The following NRG1 variants were observed in gnomAD, a reference collection of about 807,000 sequenced individuals.
NRG1 encodes the protein neuregulin 1.
In NRG1, 18 loss-of-function variants were observed where a neutral mutation model predicts 63.8. The observed-to-expected ratio is 0.28, with a 90% CI of 0.19 to 0.42. The LOEUF (loss-of-function observed/expected upper bound fraction) is 0.42. Among genes scored for constraint, NRG1 ranks in the 10% least tolerant of loss-of-function variants. The pLI, the probability that NRG1 is intolerant of heterozygous loss-of-function variation, is 1.00. For synonymous variants in NRG1, 302 were observed against 301.3 expected (o/e 1.00, Z -0.02); for missense variants, 762 against 814.7 (o/e 0.94, Z 0.79).
chr8:32,759,910 T>C (rs1342534687), intron 10 of NRG1, among the ~76,000 whole-genome samples: 3 of 152,184 alleles, frequency 2.0e-5, no homozygotes, highest in Non-Finnish European at 2.9e-5. Flanking sequence ...TCTAAGCCAC[T>C]CAAGAACAGA....
rs191351797 is a variant in NRG1, at chr8:32,698,615, G to T, written c.503-29334G>T. ...ACCAAATAAAGGCCTAGGAGGAGGT[G>T]AGCCGGGGAACTGTACAAGGGAGCA... is the stretch of plus-strand genomic sequence containing the variant. On this transcript the variant is annotated intron_variant, in intron 5 of 11. Transcript: ENST00000356819. 1.7e-3 allele frequency among the ~76,000 whole-genome samples: 259 copies of T among 152,300 alleles called. 1 individual carries two copies. Among genetic ancestry groups the T allele is most frequent in the Non-Finnish European group, 2.7e-3 (183 of 68,024 alleles).
At chr8:32,029,847 T>TA (rs34615593) in intron 1 of NRG1, among the ~76,000 whole-genome samples, 47 of 150,736 alleles carry the variant, frequency 3.1e-4, no homozygotes, top group African/African-American at 1.0e-3. Flanking sequence ...TGCTGGTTTG[T>TA]AAAAAAAAAA....
At chr8:32,439,691 T>A (rs1011983371) in intron 1 of NRG1, among the ~76,000 whole-genome samples, 1 of 152,104 alleles carries the variant, frequency 6.6e-6, no homozygotes, top group Non-Finnish European at 1.5e-5. Context: ...TAAAATTATG[T>A]CTTGAGTTTA....
intron 1 of NRG1, among the ~76,000 whole-genome samples, chr8:31,833,514 A>T (rs1232093281): frequency 6.6e-6 from 1 of 152,226 alleles, no homozygotes; most frequent in Non-Finnish European, 1.5e-5. Context: ...GAATTCCTCC[A>T]GGGAATTATA....
chr8:32,088,667 G>A lies in NRG1; in HGVS notation c.37+449236G>A, dbSNP rs945725784. On this transcript the variant is annotated intron_variant, in intron 1 of 10. Coordinates refer to the NRG1 transcript ENST00000519301. Reference sequence around the variant, plus strand: ...TGAGTACCTGGGACTACAGGTGCACGCCACCATGCCCAGCTAATTTTTTTG... The same window carrying A: ...TGAGTACCTGGGACTACAGGTGCACACCACCATGCCCAGCTAATTTTTTTG... Among the ~76,000 whole-genome samples, 8 of 151,886 alleles carry A rather than the reference G, an allele frequency of 5.3e-5. 1 individual carries two copies. The highest frequency in any genetic ancestry group is 6.3e-3 in the Middle Eastern group (2 of 316).
chr8:31,992,104 G>A (rs1231248792), intron 1 of NRG1, among the ~76,000 whole-genome samples: 2 of 151,874 alleles, frequency 1.3e-5, no homozygotes, highest in Non-Finnish European at 2.9e-5. Flanking sequence ...AGAGGCTGAG[G>A]TGAGAGGATT....
chr8:32,449,214 T>C (rs187114687), intron 1 of NRG1, among the ~76,000 whole-genome samples: 55 of 152,196 alleles, frequency 3.6e-4, no homozygotes, highest in Admixed American at 3.2e-3. Flanking sequence ...GGAGGATCAC[T>C]TGAGCCTAGG....
intron 1 of NRG1, among the ~76,000 whole-genome samples, chr8:31,670,737 C>T (rs1460361387): frequency 6.6e-6 from 1 of 152,094 alleles, no homozygotes; most frequent in Non-Finnish European, 1.5e-5. Context: ...TGGGCAGTGT[C>T]ATGAAAACCA....
At chr8:32,721,302 G>T (rs925059673) in intron 5 of NRG1, among the ~76,000 whole-genome samples, 3 of 152,150 alleles carry the variant, frequency 2.0e-5, no homozygotes, top group Non-Finnish European at 4.4e-5. Flanking sequence ...TTTGAACAAT[G>T]CCAAAGCCCA....
At chr8:32,763,561 C>T (rs1831093526) in intron 11 of NRG1, among the ~76,000 whole-genome samples, 187 bp from the exon 12 acceptor site, 1 of 152,204 alleles carries the variant, frequency 6.6e-6, no homozygotes, top group African/African-American at 2.4e-5. Flanking sequence ...TGTGAGGAAA[C>T]TCTTGGCTAC....
At chr8:31,648,704 G>C (rs1265527972) in intron 1 of NRG1, among the ~76,000 whole-genome samples, 1 of 152,086 alleles carries the variant, frequency 6.6e-6, no homozygotes, top group African/African-American at 2.4e-5. Flanking sequence ...ATGTCCTCAA[G>C]GTTCATCATG....
chr8:31,912,365 G>A (rs766566345), intron 1 of NRG1, among the ~76,000 whole-genome samples: 1 of 152,042 alleles, frequency 6.6e-6, no homozygotes, highest in Non-Finnish European at 1.5e-5. Context: ...AGCTAGCAGA[G>A]CTTAGGCACA....
At chr8:32,661,214 A>G (rs1233340048) in intron 5 of NRG1, among the ~76,000 whole-genome samples, 2 of 152,246 alleles carry the variant, frequency 1.3e-5, no homozygotes, top group Non-Finnish European at 2.9e-5. Context: ...TTATTGCTGT[A>G]ACTTCTTATT....
intron 1 of NRG1, among the ~76,000 whole-genome samples, chr8:31,931,929 C>T (rs776994508): frequency 2.0e-5 from 3 of 152,162 alleles, no homozygotes; most frequent in Non-Finnish European, 4.4e-5. Context: ...TAAAACAAAG[C>T]TGGAAGACAG....
At chr8:32,440,128 G>A (rs1352359148) in intron 1 of NRG1, among the ~76,000 whole-genome samples, 3 of 151,918 alleles carry the variant, frequency 2.0e-5, no homozygotes, top group African/African-American at 7.3e-5. Flanking sequence ...AGAGTGAGAG[G>A]GGAACTGTCA....
intron 1 of NRG1, among the ~76,000 whole-genome samples, chr8:32,500,714 T>G (rs1471692558): frequency 1.3e-5 from 2 of 152,268 alleles, no homozygotes; most frequent in Non-Finnish European, 1.5e-5. Flanking sequence ...TATTTCATTT[T>G]TGTTTATGAA....
intron 1 of NRG1, among the ~76,000 whole-genome samples, chr8:32,568,964 A>G (rs961300798): frequency 7.3e-4 from 1 of 1,362 alleles, no homozygotes; most frequent in South Asian, 0.5. Flanking sequence ...TTGAAATGGA[A>G]AAAAAAAAAA....
intron 1 of NRG1, among the ~76,000 whole-genome samples, chr8:32,527,754 C>T (rs1273143461): frequency 6.6e-6 from 1 of 152,198 alleles, no homozygotes; most frequent in Non-Finnish European, 1.5e-5. Flanking sequence ...ACACACTCTG[C>T]CCAAACTGAT....
intron 1 of NRG1, among the ~76,000 whole-genome samples, chr8:32,141,110 C>T (rs1259288685): frequency 3.3e-5 from 5 of 152,044 alleles, no homozygotes; most frequent in Admixed American, 1.3e-4. Flanking sequence ...TTTTCCTTCT[C>T]ATCTAATTCT....
Sources: allele counts gnomAD v4.1 joint callset (sites outside exome capture counted in the v4.1 genomes callset), GRCh38; gene constraint gnomAD v4.1.1; transcripts MANE v1.5; gene names NCBI Gene and HGNC (gene_info 2026-07-23, HGNC 2026-07-21).